Variants in ERC1 observed in about 807,000 individuals in gnomAD.
ERC1 encodes the protein RAB6 interacting protein 2.
A neutral mutation model predicts 132.0 loss-of-function variants in ERC1; 56 were observed. That is an observed-to-expected ratio of 0.42 (90% confidence interval 0.34 to 0.53). The LOEUF (loss-of-function observed/expected upper bound fraction) is 0.53, where lower values mean the gene tolerates loss of function less well. ERC1 is among the 20% of genes least tolerant of loss of function. The probability of loss-of-function intolerance (pLI) is 0.03; values close to 1 mark genes in which losing one functional copy is unlikely to be tolerated. For missense variants in ERC1, 1,202 were observed against 1,349.9 expected (o/e 0.89, Z 1.72); for synonymous variants, 478 against 476.1 (o/e 1.00, Z -0.05).
chr12:1,053,127 T>C (rs935470959), intron 2 of ERC1, among the ~76,000 whole-genome samples: 7 of 152,206 alleles, frequency 4.6e-5, no homozygotes, highest in African/African-American at 1.7e-4. Flanking sequence ...ATAAAAAATT[T>C]AAAAGTGTTG....
intron 2 of ERC1, among the ~76,000 whole-genome samples, chr12:1,081,505 G>T (rs1942191856): frequency 6.6e-6 from 1 of 151,976 alleles, no homozygotes; most frequent in South Asian, 2.1e-4. Flanking sequence ...TTTTTTTCTT[G>T]GTTCTAGTTT....
At chr12:1,454,389 G>A (rs910900218) in intron 18 of ERC1, among the ~76,000 whole-genome samples, 4 of 152,136 alleles carry the variant, frequency 2.6e-5, no homozygotes, top group African/African-American at 7.2e-5. Flanking sequence ...AACCTAATCC[G>A]AGGAAGAGAT....
chr12:1,008,156 G>A (rs1305578515), intron 1 of ERC1, among the ~76,000 whole-genome samples: 1 of 152,202 alleles, frequency 6.6e-6, no homozygotes, highest in Non-Finnish European at 1.5e-5. Flanking sequence ...CCAGTCATCA[G>A]GTATAGGACG....
At chr12:1,040,572 C>T in intron 2 of ERC1, among the ~76,000 whole-genome samples, 1 of 152,138 alleles carries the variant, frequency 6.6e-6, no homozygotes, top group East Asian at 1.9e-4. Flanking sequence ...TCCCAAAGTG[C>T]TGGGTTTACA....
intron 15 of ERC1, among the ~76,000 whole-genome samples, chr12:1,312,098 A>G (rs181483375): frequency 8.9e-4 from 135 of 152,232 alleles, no homozygotes; most frequent in African/African-American, 3.1e-3. Flanking sequence ...TGCTGCTTGT[A>G]GCTACTATTT....
chr12:1,159,355 G>C (rs929454148), intron 8 of ERC1, among the ~76,000 whole-genome samples: 1 of 152,168 alleles, frequency 6.6e-6, no homozygotes, highest in Non-Finnish European at 1.5e-5. Context: ...ACACTTGACA[G>C]TAGGATTCAC....
chr12:1,056,786 C>A (rs1376126979), intron 2 of ERC1, among the ~76,000 whole-genome samples: 1 of 152,172 alleles, frequency 6.6e-6, no homozygotes, highest in Non-Finnish European at 1.5e-5. Flanking sequence ...GACATTCACC[C>A]ATGCAAGCTT....
chr12:1,129,847 A>C (rs147687519), intron 7 of ERC1, among the ~76,000 whole-genome samples: 1 of 149,418 alleles, frequency 6.7e-6, no homozygotes, highest in African/African-American at 2.5e-5. Flanking sequence ...AAAAAAAAAC[A>C]GGAGATGAAA....
At chr12:1,467,700 G>A (rs2093772459) in intron 18 of ERC1, among the ~76,000 whole-genome samples, 1 of 152,134 alleles carries the variant, frequency 6.6e-6, no homozygotes, top group African/African-American at 2.4e-5. Context: ...AATATATAAT[G>A]AAATAATTAT....
intron 7 of ERC1, among the ~76,000 whole-genome samples, chr12:1,122,704 TGAAAC>T (rs1487027248): frequency 6.6e-6 from 1 of 152,248 alleles, no homozygotes; most frequent in Non-Finnish European, 1.5e-5. Context: ...TCTAAATCTC[TGAAAC>T]AGCTGCTCAG....
chr12:1,124,834 A>G (rs1287276574), intron 7 of ERC1, among the ~76,000 whole-genome samples: 1 of 152,144 alleles, frequency 6.6e-6, no homozygotes, highest in Non-Finnish European at 1.5e-5. Context: ...AAGAAGAAAT[A>G]AGTTTCTGGA....
chr12:1,403,255 G>A (rs1046430041), intron 16 of ERC1, among the ~76,000 whole-genome samples: 3 of 150,980 alleles, frequency 2.0e-5, no homozygotes, highest in Non-Finnish European at 2.9e-5. Flanking sequence ...TCTTTATGTC[G>A]TTGGGACCAG....
At chr12:1,237,273 TC>T (rs1167824686) in intron 13 of ERC1, among the ~76,000 whole-genome samples, 1 of 152,180 alleles carries the variant, frequency 6.6e-6, no homozygotes, top group African/African-American at 2.4e-5. Context: ...GTGTCTTTCT[TC>T]CTTTTTTCTA....
At chr12:1,036,131 T>C (rs920251380) in intron 2 of ERC1, among the ~76,000 whole-genome samples, 13 of 152,138 alleles carry the variant, frequency 8.5e-5, no homozygotes, top group African/African-American at 2.9e-4. Context: ...GGCAGGTGAA[T>C]TTAATGTTTT....
intron 13 of ERC1, among the ~76,000 whole-genome samples, chr12:1,239,824 C>G (rs1323102339): frequency 6.6e-6 from 1 of 152,206 alleles, no homozygotes; most frequent in Non-Finnish European, 1.5e-5. Context: ...TAGTGGTTCT[C>G]AAACTTGTGT....
chr12:1,176,612 G>A (rs1243723471), intron 8 of ERC1, among the ~76,000 whole-genome samples: 1 of 148,008 alleles, frequency 6.8e-6, no homozygotes, highest in African/African-American at 2.5e-5. Flanking sequence ...ACAGAGTCTC[G>A]CTTCGTTGCC....
chr12:1,440,036 A>G (rs1166599340), intron 17 of ERC1, among the ~76,000 whole-genome samples: 2 of 152,160 alleles, frequency 1.3e-5, no homozygotes, highest in East Asian at 3.8e-4. Context: ...ACAATGATAC[A>G]TATTTTGGGA....
intron 2 of ERC1, among the ~76,000 whole-genome samples, chr12:1,029,478 A>G (rs1967576157): frequency 1.3e-5 from 2 of 152,200 alleles, no homozygotes; most frequent in African/African-American, 4.8e-5. Flanking sequence ...AATTCTTTAC[A>G]TTTAAGGTGG....
rs1464996915 is a variant in ERC1, at chr12:1,495,395, T to C, written c.*5165T>C. ...TCTCTCTTGACCCCAGAGAAGCCAC[T>C]GTCAGGAAAGGAAGTGAACCCTACT... On this transcript the variant is annotated 3_prime_UTR_variant, in exon 19 of 19. Coordinates refer to ENST00000360905, the MANE Select transcript of ERC1 (RefSeq NM_178040.4). 4.4e-6 allele frequency: 1 copy of C among 227,704 alleles called. No individual in the cohort carries two copies. The highest frequency in any genetic ancestry group is 8.7e-6 in the Non-Finnish European group (1 of 114,704). 14.1% of individuals were successfully genotyped at this position (227,704 alleles called of 1,614,324 possible). A position where few individuals can be genotyped will look rare whatever the true frequency, so the allele number is the denominator to read the frequency against.
Sources: allele counts gnomAD v4.1 joint callset (sites outside exome capture counted in the v4.1 genomes callset), GRCh38; gene constraint gnomAD v4.1.1; transcripts MANE v1.5; gene names NCBI Gene and HGNC (gene_info 2026-07-23, HGNC 2026-07-21).